PTPRE: variants seen among roughly 807,000 people sequenced by gnomAD.
The protein encoded by PTPRE is receptor-type tyrosine-protein phosphatase epsilon.
PTPRE carries 51 observed loss-of-function variants against 102.0 expected under a neutral mutation model. That is an observed-to-expected ratio of 0.50 (90% confidence interval 0.40 to 0.63). The LOEUF (loss-of-function observed/expected upper bound fraction) is 0.63. Ranked by LOEUF, PTPRE falls within the 30% of genes least tolerant of loss-of-function variation. The probability of loss-of-function intolerance (pLI) is 0.00; values close to 1 mark genes in which losing one functional copy is unlikely to be tolerated. For missense variants in PTPRE, 752 were observed against 915.1 expected (o/e 0.82, Z 2.30); for synonymous variants, 345 against 348.2 (o/e 0.99, Z 0.10).
At chr10:128,027,565 C>A (rs562910165) in intron 2 of PTPRE, among the ~76,000 whole-genome samples, 1 of 152,228 alleles carries the variant, frequency 6.6e-6, no homozygotes, top group East Asian at 1.9e-4. Flanking sequence ...CGCCTCCTGG[C>A]CTTTGCTTTC....
At chr10:128,073,518 C>T (rs753248796) in intron 17 of PTPRE, 47 bp downstream of exon 17, 3 of 1,592,908 alleles carry the variant, frequency 1.9e-6, no homozygotes, top group South Asian at 2.3e-5. Context: ...GCCTGTGCAC[C>T]TGAGGCACTG....
chr10:128,028,714 C>A lies in PTPRE; in HGVS notation c.-7-12161C>A, dbSNP rs756295641. 6.6e-6 allele frequency among the ~76,000 whole-genome samples: 1 copy of A among 152,122 alleles called. No individual in the cohort carries two copies. Among genetic ancestry groups the A allele is most frequent in the South Asian group, 2.1e-4 (1 of 4,834 alleles). On this transcript the variant is annotated intron_variant, in intron 2 of 20. Coordinates refer to ENST00000254667, the MANE Select transcript of PTPRE (RefSeq NM_006504.6). The surrounding 1 kb of genome is among the most constrained non-coding windows in gnomAD (Gnocchi z 4.5). ...TTCTGATGCCTTCATTCCCAGAACACGAAGCCAAGGCCAGGAGTCGGGATC... is the reference window on the plus strand; with the variant it reads ...TTCTGATGCCTTCATTCCCAGAACAAGAAGCCAAGGCCAGGAGTCGGGATC...
intron 1 of PTPRE, among the ~76,000 whole-genome samples, chr10:127,924,853 C>T (rs914748070): frequency 6.6e-6 from 1 of 152,160 alleles, no homozygotes; most frequent in South Asian, 2.1e-4. Context: ...TTCTAGAAAG[C>T]GGACATTGTA....
At chr10:128,061,647 A>C in intron 8 of PTPRE, 32 bp from the exon 9 acceptor site, 8 of 1,574,862 alleles carry the variant, frequency 5.1e-6, no homozygotes, top group Non-Finnish European at 6.9e-6. Context: ...GATAATTCTG[A>C]AAAAATATAA....
chr10:127,959,839 G>T (rs1472886923), intron 1 of PTPRE, among the ~76,000 whole-genome samples: 1 of 152,098 alleles, frequency 6.6e-6, no homozygotes, highest in Non-Finnish European at 1.5e-5. Flanking sequence ...TGCTTGTGAG[G>T]GTCCATGAGA....
At chr10:128,061,655 T>C (rs1472162912) in intron 8 of PTPRE, 24 bp from the exon 9 acceptor site, 1 of 1,578,216 alleles carries the variant, frequency 6.3e-7, no homozygotes. Flanking sequence ...TGAAAAAATA[T>C]AAATCTGATG....
At chr10:127,931,438 G>A (rs1047089745) in intron 1 of PTPRE, among the ~76,000 whole-genome samples, 3 of 152,112 alleles carry the variant, frequency 2.0e-5, no homozygotes, top group Non-Finnish European at 2.9e-5. Flanking sequence ...GCCTTTTCTC[G>A]TGACACGTCT....
Position 128,083,007 on chromosome 10 carries a change from C to A in PTPRE, c.*101C>A. The A allele has an allele frequency of 2.5e-6, 3 of 1,208,160 alleles. No homozygotes were observed. Among genetic ancestry groups the A allele is most frequent in the South Asian group, 3.7e-5 (2 of 53,914 alleles). The allele number at this position is 1,208,160 out of a possible 1,614,324, so 74.8% of individuals were successfully genotyped here. A position where few individuals can be genotyped will look rare whatever the true frequency, so the allele number is the denominator to read the frequency against. ...TTGACATTAATATCTTCCCTAATTT[C>A]TTTGTATATATTTTGTTATGCCTTA... On this transcript the variant is annotated 3_prime_UTR_variant, in exon 21 of 21. Transcript: ENST00000254667.
chr10:127,935,728 C>T (rs765550450), intron 1 of PTPRE, among the ~76,000 whole-genome samples: 73 of 152,298 alleles, frequency 4.8e-4, no homozygotes, highest in Admixed American at 8.5e-4. Context: ...CTGAGGGCTG[C>T]CGTGTCCCCT....
At chr10:127,957,684 G>A (rs1849504161) in intron 1 of PTPRE, among the ~76,000 whole-genome samples, 1 of 152,184 alleles carries the variant, frequency 6.6e-6, no homozygotes. Flanking sequence ...GCTATTGTGA[G>A]TCTTTTGCCT....
chr10:127,975,083 C>T (rs1163274223), intron 1 of PTPRE, among the ~76,000 whole-genome samples: 2 of 152,180 alleles, frequency 1.3e-5, no homozygotes, highest in South Asian at 4.1e-4. Context: ...GAGAGTAGGA[C>T]TTGACCTACT....
At chr10:128,062,969 C>G in intron 9 of PTPRE, 114 bp from the exon 10 acceptor site, 1 of 1,508,268 alleles carries the variant, frequency 6.6e-7, no homozygotes, top group South Asian at 1.3e-5. Context: ...CCCCAACAAG[C>G]CTGAGAAGGG....
chr10:128,060,482 T>C (rs930399798), intron 7 of PTPRE, among the ~76,000 whole-genome samples: 2 of 152,308 alleles, frequency 1.3e-5, no homozygotes, highest in South Asian at 2.1e-4. Context: ...GGGCTGGTGC[T>C]CATTTCCCTG....
Position 128,069,759 on chromosome 10 carries a change from C to A in PTPRE, c.1075C>A (p.Gln359Lys). ...CATGATGGCCATGATGCACGCGGAGCAGAAGGTGGATGTGTTTGAATTTGT... is the reference window on the plus strand; with the variant it reads ...CATGATGGCCATGATGCACGCGGAGAAGAAGGTGGATGTGTTTGAATTTGT... The part of the protein sequence containing the change: ...DAMMAMMHAE[Q>K]KVDVFEFVSR... Residue 359 changes from glutamine to lysine, a missense_variant, in exon 13 of 21, where the codon CAG becomes AAG. Gln to Lys is a moderately conservative substitution (Grantham distance 53, BLOSUM62 1). This residue lies in a region of PTPRE where 636 missense variants were observed against 824.4 expected (regional missense o/e 0.77). Coordinates refer to ENST00000254667, the MANE Select transcript of PTPRE (RefSeq NM_006504.6). 1 of 1,614,198 alleles carries A rather than the reference C, an allele frequency of 6.2e-7. No homozygotes were observed. Among genetic ancestry groups the A allele is most frequent in the Non-Finnish European group, 8.5e-7 (1 of 1,180,034 alleles).
At chr10:127,967,546 C>T (rs981496414) in intron 1 of PTPRE, among the ~76,000 whole-genome samples, 1 of 152,194 alleles carries the variant, frequency 6.6e-6, no homozygotes, top group Non-Finnish European at 1.5e-5. Flanking sequence ...ATTGTGAGGC[C>T]TTCCCAGCCA....
chr10:128,002,005 A>T (rs1853960921), intron 2 of PTPRE, among the ~76,000 whole-genome samples: 1 of 152,074 alleles, frequency 6.6e-6, no homozygotes, highest in South Asian at 2.1e-4. Flanking sequence ...TGCAGGCTGG[A>T]GGGCTGTTCT....
chr10:127,922,239 A>C (rs1846654798), intron 1 of PTPRE, among the ~76,000 whole-genome samples: 1 of 152,220 alleles, frequency 6.6e-6, no homozygotes, highest in Admixed American at 6.5e-5. Flanking sequence ...TCACTGTCTC[A>C]AGTTCATTTA....
At chr10:128,000,583 A>G (rs949085416) in intron 2 of PTPRE, among the ~76,000 whole-genome samples, 13 of 152,220 alleles carry the variant, frequency 8.5e-5, no homozygotes, top group Admixed American at 1.3e-4. Flanking sequence ...TTGTTTTTAA[A>G]TTGCTAATGC....
At chr10:128,035,616 A>G (rs1847147432) in intron 2 of PTPRE, among the ~76,000 whole-genome samples, 2 of 152,220 alleles carry the variant, frequency 1.3e-5, no homozygotes. Flanking sequence ...AAAGCCAAAC[A>G]GCTGCAGGTT....
Sources: allele counts gnomAD v4.1 joint callset (sites outside exome capture counted in the v4.1 genomes callset), GRCh38; gene constraint gnomAD v4.1.1; regional missense constraint gnomAD v4.1.1; non-coding constraint Gnocchi (gnomAD v3.1); transcripts MANE v1.5; gene names NCBI Gene and HGNC (gene_info 2026-07-23, HGNC 2026-07-21).